PDE1C: variants seen among roughly 807,000 people sequenced by gnomAD.
The protein encoded by PDE1C is dual specificity calcium/calmodulin-dependent 3',5'-cyclic nucleotide phosphodiesterase 1C.
A neutral mutation model predicts 93.1 loss-of-function variants in PDE1C; 62 were observed. The observed-to-expected ratio is 0.67, with a 90% CI of 0.54 to 0.82. The LOEUF (loss-of-function observed/expected upper bound fraction) is 0.82. PDE1C is among the 40% of genes least tolerant of loss of function. The pLI is 0.00. For missense variants in PDE1C, 742 were observed against 884.6 expected, an observed-to-expected ratio of 0.84 and a Z score of 2.04; for synonymous variants, 325 against 310.1, an observed-to-expected ratio of 1.05 and a Z score of -0.50.
At chr7:31,860,154 G>A (rs1031149829) in intron 7 of PDE1C, among the ~76,000 whole-genome samples, 2 of 152,286 alleles carry the variant, frequency 1.3e-5, no homozygotes, top group Middle Eastern at 3.4e-3. Flanking sequence ...CAGTATATGA[G>A]AACATAATTT....
At chr7:32,210,965 C>T (rs758077279) in intron 1 of PDE1C, among the ~76,000 whole-genome samples, 6 of 152,120 alleles carry the variant, frequency 3.9e-5, no homozygotes, top group East Asian at 1.9e-4. Flanking sequence ...GCCTGTAGTC[C>T]GGCACTTTGG....
the PDE1C span, chr7:31,651,020 A>C: frequency 4.1e-3 from 4,233 of 1,043,588 alleles, 132 homozygotes; most frequent in African/African-American, 0.059. Context: ...TCCCCCTTAT[A>C]TTAGCAGTAG....
intron 1 of PDE1C, among the ~76,000 whole-genome samples, chr7:32,383,017 C>T (rs1471330430): frequency 6.6e-6 from 1 of 152,226 alleles, no homozygotes; most frequent in Non-Finnish European, 1.5e-5. Context: ...AGTCAAGAGG[C>T]AAGGCCTCAG....
intron 2 of PDE1C, among the ~76,000 whole-genome samples, chr7:31,885,522 A>G (rs1382142967): frequency 6.6e-6 from 1 of 152,162 alleles, no homozygotes; most frequent in Non-Finnish European, 1.5e-5. Context: ...TGAGATACTG[A>G]ATCTCTTCAG....
At chr7:32,071,402 A>G (rs1584699397), upstream of PDE1C, 1 of 985,328 alleles carries the variant, frequency 1.0e-6, no homozygotes, top group African/African-American at 1.7e-5. Flanking sequence ...AGGGAACCAC[A>G]CACCACACTC....
chr7:32,280,829 C>CA (rs1473527249), intron 1 of PDE1C, among the ~76,000 whole-genome samples: 2 of 152,064 alleles, frequency 1.3e-5, no homozygotes, highest in Non-Finnish European at 2.9e-5. Context: ...CCACAAAAAT[C>CA]AAAAAATTAT....
At chr7:31,745,514 A>T in the PDE1C span, among the ~76,000 whole-genome samples, 1 of 152,316 alleles carries the variant, frequency 6.6e-6, no homozygotes, top group East Asian at 1.9e-4. Flanking sequence ...AAATAAGTAA[A>T]ATGAGCATGA....
intron 16 of PDE1C, chr7:31,790,400 T>C (rs2128659295): frequency 1.5e-6 from 1 of 671,730 alleles, no homozygotes; most frequent in East Asian, 2.6e-5. Context: ...TACTGGTCAT[T>C]GCTGTCTCCC....
At chr7:32,120,107 C>T (rs1333814010) in intron 3 of PDE1C, among the ~76,000 whole-genome samples, 3 of 152,340 alleles carry the variant, frequency 2.0e-5, no homozygotes, top group African/African-American at 7.2e-5. Context: ...CAGCCCCACA[C>T]ACCAGCTGTG....
chr7:31,854,467 A>C (rs768066944), intron 7 of PDE1C, among the ~76,000 whole-genome samples: 21 of 152,196 alleles, frequency 1.4e-4, no homozygotes, highest in Non-Finnish European at 2.5e-4. Context: ...TCCTATCTAC[A>C]AAATATGAGT....
chr7:32,300,973 G>T (rs1044651447), upstream of PDE1C, among the ~76,000 whole-genome samples: 2 of 151,764 alleles, frequency 1.3e-5, no homozygotes, highest in African/African-American at 2.4e-5. Context: ...AAGTAGCAGG[G>T]TCTATAGATA....
At position 32,128,906 on chromosome 7, in the gene PDE1C, AATATATATATATATATATATAT is replaced by A. The variant is rs763801947; in HGVS notation, c.308+40857_308+40878del. On this transcript the variant is annotated intron_variant, in intron 3 of 18. Transcript: ENST00000396193. ...GTACCCTAGAACTTAAAGTATAACAAATATATATATATATATATATATATATATATATATATATATATATATA... is the reference window on the plus strand; with the variant it reads ...GTACCCTAGAACTTAAAGTATAACAAATATATATATATATATATATATATA... Among the ~76,000 whole-genome samples the A allele has an allele frequency of 4.1e-3, 229 of 56,008 alleles. 5 individuals are homozygous for A. The highest frequency in any genetic ancestry group is 0.017 in the Middle Eastern group (1 of 58). The allele number at this position is 56,008 out of a possible 152,430, so 36.7% of individuals were successfully genotyped here.
intron 2 of PDE1C, among the ~76,000 whole-genome samples, chr7:31,941,910 T>C (rs1176878791): frequency 2.0e-5 from 3 of 152,200 alleles, no homozygotes; most frequent in East Asian, 3.9e-4. Flanking sequence ...CAAAGTGGCA[T>C]TTTGAGTCAC....
chr7:31,743,623 A>G, the PDE1C span, among the ~76,000 whole-genome samples: 121 of 152,132 alleles, frequency 8.0e-4, no homozygotes, highest in African/African-American at 2.6e-3. Context: ...AAGTAAAATA[A>G]AACTAATGTG....
intron 2 of PDE1C, among the ~76,000 whole-genome samples, chr7:31,983,567 G>A (rs1169078547): frequency 3.3e-5 from 5 of 152,060 alleles, no homozygotes; most frequent in Non-Finnish European, 7.4e-5. Context: ...AGAATCAAAA[G>A]CACCATGTTT....
At chr7:32,305,654 C>G (rs987794744) in intron 1 of PDE1C, among the ~76,000 whole-genome samples, 1 of 152,230 alleles carries the variant, frequency 6.6e-6, no homozygotes, top group African/African-American at 2.4e-5. Context: ...CTTTACCACC[C>G]TCTTTCCAGC....
chr7:32,208,807 G>A (rs1433401215), intron 2 of PDE1C, among the ~76,000 whole-genome samples: 2 of 152,132 alleles, frequency 1.3e-5, no homozygotes, highest in Non-Finnish European at 2.9e-5. Context: ...ACCATTGAGA[G>A]GCTTTAGACT....
intron 2 of PDE1C, among the ~76,000 whole-genome samples, chr7:31,892,095 G>C (rs1274014463): frequency 6.6e-6 from 1 of 152,188 alleles, no homozygotes; most frequent in Non-Finnish European, 1.5e-5. Context: ...CAAAAGGCTG[G>C]ACATAGTTGT....
chr7:32,066,161 G>T (rs539867802), intron 1 of PDE1C, among the ~76,000 whole-genome samples: 10 of 152,320 alleles, frequency 6.6e-5, no homozygotes, highest in African/African-American at 2.4e-4. Flanking sequence ...TAATGCTTCT[G>T]TTTGGGATCC....
Sources: gnomAD v4.1 joint callset for allele counts (sites outside exome capture counted in the v4.1 genomes callset) on GRCh38, gnomAD v4.1.1 for gene constraint, MANE v1.5 for transcripts, NCBI Gene and HGNC (gene_info 2026-07-23, HGNC 2026-07-21) for gene names.